The following LARGE1 variants were observed in gnomAD, a reference collection of about 807,000 sequenced individuals.
The protein encoded by LARGE1 is xylosyl- and glucuronyltransferase LARGE1.
Under a neutral mutation model 87.6 loss-of-function variants are expected in LARGE1, and 43 were observed. That is an observed-to-expected ratio of 0.49 (90% confidence interval 0.38 to 0.63). The LOEUF (loss-of-function observed/expected upper bound fraction) is 0.63. LARGE1 is among the 30% of genes least tolerant of loss of function. LARGE1 has a pLI of 0.00. For synonymous variants in LARGE1, 434 were observed against 394.6 expected (o/e 1.10, Z -1.18); for missense variants, 802 against 1,000.2 (o/e 0.80, Z 2.67).
At chr22:33,265,678 C>T (rs565106508) in intron 11 of LARGE1, among the ~76,000 whole-genome samples, 12 of 152,092 alleles carry the variant, frequency 7.9e-5, no homozygotes, top group Non-Finnish European at 1.5e-4. Context: ...TAATTATCAG[C>T]TGGCACAGCT....
chr22:33,596,654 C>T (rs758771005), intron 5 of LARGE1, among the ~76,000 whole-genome samples: 7 of 152,060 alleles, frequency 4.6e-5, no homozygotes, highest in East Asian at 1.9e-4. Flanking sequence ...GATGACAGGT[C>T]GGCAGTCATT....
chr22:33,353,451 T>G (rs1017842267), intron 9 of LARGE1, among the ~76,000 whole-genome samples: 5 of 151,582 alleles, frequency 3.3e-5, no homozygotes, highest in African/African-American at 1.2e-4. Context: ...ACAAAGATAA[T>G]ATGGTAACAA....
At chr22:33,449,080 A>G (rs2067807716) in intron 6 of LARGE1, among the ~76,000 whole-genome samples, 1 of 152,188 alleles carries the variant, frequency 6.6e-6, no homozygotes, top group Non-Finnish European at 1.5e-5. Context: ...ATGTGTATTA[A>G]TACTGCCTTC....
intron 7 of LARGE1, among the ~76,000 whole-genome samples, chr22:33,412,022 G>A (rs2066321521): frequency 6.6e-6 from 1 of 152,150 alleles, no homozygotes; most frequent in Non-Finnish European, 1.5e-5. Flanking sequence ...GGTGGCTCAC[G>A]CCTGTAATCC....
At chr22:33,098,144 A>G in the LARGE1 span, among the ~76,000 whole-genome samples, 22 of 152,166 alleles carry the variant, frequency 1.4e-4, no homozygotes, top group Middle Eastern at 3.4e-3. Flanking sequence ...TGTTTTTACC[A>G]AAAGTCAAAA....
At chr22:33,828,760 G>A (rs1173287525) in intron 1 of LARGE1, among the ~76,000 whole-genome samples, 1 of 152,180 alleles carries the variant, frequency 6.6e-6, no homozygotes, top group Non-Finnish European at 1.5e-5. Flanking sequence ...ATAAACGGAT[G>A]AATGAGAAAA....
At chr22:33,328,926 C>T (rs1399756308) in intron 10 of LARGE1, among the ~76,000 whole-genome samples, 1 of 152,102 alleles carries the variant, frequency 6.6e-6, no homozygotes, top group Admixed American at 6.6e-5. Flanking sequence ...AAATGTGACT[C>T]ATAATGACTC....
downstream of LARGE1, among the ~76,000 whole-genome samples, chr22:33,271,021 A>G (rs1928214789): frequency 6.6e-6 from 1 of 152,212 alleles, no homozygotes; most frequent in Non-Finnish European, 1.5e-5. Flanking sequence ...CCTAGAGTGG[A>G]ACCCAGCTGT....
At chr22:33,540,737 G>T (rs1415196302) in intron 6 of LARGE1, among the ~76,000 whole-genome samples, 1 of 152,118 alleles carries the variant, frequency 6.6e-6, no homozygotes, top group African/African-American at 2.4e-5. Flanking sequence ...ATATGGGGTA[G>T]ACCTGGGCAT....
intron 3 of LARGE1, among the ~76,000 whole-genome samples, chr22:33,631,101 C>T (rs1259988457): frequency 2.0e-5 from 3 of 152,170 alleles, no homozygotes; most frequent in African/African-American, 7.2e-5. Flanking sequence ...GATCCACCCG[C>T]CTCAGCCTCC....
chr22:33,481,062 G>C (rs1327593420), intron 6 of LARGE1, among the ~76,000 whole-genome samples: 1 of 151,050 alleles, frequency 6.6e-6, no homozygotes, highest in Non-Finnish European at 1.5e-5. Context: ...TAATTTCCTG[G>C]AAATGAAATG....
intron 4 of LARGE1, among the ~76,000 whole-genome samples, chr22:33,609,366 AT>A (rs2079359357): frequency 6.6e-6 from 1 of 152,230 alleles, no homozygotes; most frequent in Admixed American, 6.5e-5. Context: ...TCAGAGTTAG[AT>A]TGAAAACAAC....
chr22:33,154,942 G>A, the LARGE1 span, among the ~76,000 whole-genome samples: 1 of 152,130 alleles, frequency 6.6e-6, no homozygotes. Context: ...GAGATCCGAT[G>A]GTTTTAAAAA....
At chr22:33,798,262 C>A (rs2086049150) in intron 1 of LARGE1, among the ~76,000 whole-genome samples, 2 of 152,052 alleles carry the variant, frequency 1.3e-5, no homozygotes, top group African/African-American at 2.4e-5. Flanking sequence ...TACACTCCAG[C>A]CTGGGAGACA....
intron 1 of LARGE1, among the ~76,000 whole-genome samples, chr22:33,906,454 C>A (rs1034372759): frequency 1.3e-5 from 2 of 152,188 alleles, no homozygotes; most frequent in African/African-American, 4.8e-5. Context: ...AGTCTCTGGG[C>A]TTTATTGCTT....
At chr22:33,075,367 C>A in the LARGE1 span, among the ~76,000 whole-genome samples, 1 of 152,188 alleles carries the variant, frequency 6.6e-6, no homozygotes, top group Non-Finnish European at 1.5e-5. Flanking sequence ...GGAGGATTTA[C>A]TTAATTTGTT....
chr22:33,870,556 GTGT>G (rs67447726), intron 1 of LARGE1, among the ~76,000 whole-genome samples: 123,997 of 150,364 alleles, frequency 0.82, 51,173 homozygotes, highest in South Asian at 0.88. Flanking sequence ...ATGACTGTCT[GTGT>G]TGTTGTTGTT....
At chr22:33,169,724 G>A (rs1197391277) in intron 11 of LARGE1, among the ~76,000 whole-genome samples, 1 of 152,028 alleles carries the variant, frequency 6.6e-6, no homozygotes, top group Admixed American at 6.5e-5. Context: ...GGTGGCACGT[G>A]CCTGTAGTCC....
intron 5 of LARGE1, among the ~76,000 whole-genome samples, chr22:33,572,510 T>C (rs930598464): frequency 2.0e-5 from 3 of 152,130 alleles, no homozygotes; most frequent in Non-Finnish European, 4.4e-5. Flanking sequence ...ACAATACACA[T>C]TGCATGAGGT....
Sources: allele counts gnomAD v4.1 joint callset (sites outside exome capture counted in the v4.1 genomes callset), GRCh38; gene constraint gnomAD v4.1.1; transcripts MANE v1.5; gene names NCBI Gene and HGNC (gene_info 2026-07-23, HGNC 2026-07-21).